Variants in ADAMTS19 observed in about 807,000 individuals in gnomAD.
ADAMTS19 encodes A disintegrin and metalloproteinase with thrombospondin motifs 19.
Under a neutral mutation model 153.3 loss-of-function variants are expected in ADAMTS19, and 93 were observed. The observed-to-expected ratio is 0.61, with a 90% CI of 0.51 to 0.72. The LOEUF (loss-of-function observed/expected upper bound fraction) is 0.72. Among genes scored for constraint, ADAMTS19 ranks in the 30% least tolerant of loss-of-function variants. The pLI is 0.00. For synonymous variants in ADAMTS19, 600 were observed against 556.6 expected (o/e 1.08, Z -1.10); for missense variants, 1,482 against 1,552.1 (o/e 0.95, Z 0.76).
chr5:129,518,870 TG>T (rs1227812760), intron 3 of ADAMTS19, among the ~76,000 whole-genome samples: 3 of 152,166 alleles, frequency 2.0e-5, no homozygotes, highest in Non-Finnish European at 4.4e-5. Flanking sequence ...TTTGCTTCAT[TG>T]TTTTTTATTC....
intron 10 of ADAMTS19, among the ~76,000 whole-genome samples, chr5:129,623,120 C>A (rs759734969): frequency 5.9e-5 from 9 of 151,860 alleles, no homozygotes; most frequent in Non-Finnish European, 1.2e-4. Flanking sequence ...TTTATAGGAA[C>A]AAAAATTAAG....
At chr5:129,507,635 C>G (rs1363575816) in intron 2 of ADAMTS19, among the ~76,000 whole-genome samples, 1 of 150,464 alleles carries the variant, frequency 6.6e-6, no homozygotes, top group Non-Finnish European at 1.5e-5. Flanking sequence ...TATCCCTACC[C>G]CTGAATATAT....
chr5:129,585,990 C>T (rs1749772811), intron 7 of ADAMTS19, among the ~76,000 whole-genome samples: 1 of 151,960 alleles, frequency 6.6e-6, no homozygotes, highest in African/African-American at 2.4e-5. Flanking sequence ...CTTGTTGCTT[C>T]CCAAGCCTTT....
intron 6 of ADAMTS19, among the ~76,000 whole-genome samples, chr5:129,547,665 A>G (rs903575203): frequency 1.3e-5 from 2 of 150,666 alleles, no homozygotes; most frequent in Non-Finnish European, 2.9e-5. Flanking sequence ...ACAGAATTGG[A>G]AAAAACTACT....
chr5:129,691,380 G>A (rs1755328998), intron 18 of ADAMTS19, among the ~76,000 whole-genome samples: 1 of 152,176 alleles, frequency 6.6e-6, no homozygotes, highest in East Asian at 1.9e-4. Flanking sequence ...GCCTACAGCT[G>A]TCATAATTCA....
chr5:129,720,024 G>T (rs961263706), intron 21 of ADAMTS19, among the ~76,000 whole-genome samples: 3 of 151,708 alleles, frequency 2.0e-5, no homozygotes, highest in African/African-American at 7.3e-5. Context: ...GGCAACAGAC[G>T]GAGACTTCAT....
intron 11 of ADAMTS19, 71 bp downstream of exon 11, chr5:129,642,031 C>T (rs1752813565): frequency 2.3e-6 from 2 of 880,238 alleles, no homozygotes; most frequent in Admixed American, 2.2e-5. Context: ...ATTTTCTCTG[C>T]CAGTTACATT....
At chr5:129,599,323 TAATA>T (rs1195605021) in intron 8 of ADAMTS19, among the ~76,000 whole-genome samples, 1 of 152,044 alleles carries the variant, frequency 6.6e-6, no homozygotes, top group Admixed American at 6.6e-5. Context: ...AAAAAATTAT[TAATA>T]ATTAATTTTA....
intron 8 of ADAMTS19, among the ~76,000 whole-genome samples, chr5:129,598,033 AT>A: frequency 6.6e-6 from 1 of 152,328 alleles, no homozygotes; most frequent in East Asian, 1.9e-4. Context: ...TTGGACTCAG[AT>A]TTAGTGAGGC....
intron 6 of ADAMTS19, among the ~76,000 whole-genome samples, chr5:129,540,285 A>T (rs1752612283): frequency 6.6e-6 from 1 of 152,094 alleles, no homozygotes; most frequent in Non-Finnish European, 1.5e-5. Context: ...TACAAATCCA[A>T]ACCTATCTGA....
chr5:129,732,667 C>T (rs1005622960), intron 21 of ADAMTS19, among the ~76,000 whole-genome samples: 4 of 151,962 alleles, frequency 2.6e-5, no homozygotes, highest in African/African-American at 9.7e-5. Context: ...AAATAAGTGA[C>T]ACAAACAAAA....
intron 2 of ADAMTS19, among the ~76,000 whole-genome samples, chr5:129,467,277 C>A (rs532955479): frequency 3.3e-5 from 5 of 152,114 alleles, no homozygotes; most frequent in African/African-American, 1.2e-4. Context: ...ATTAAGTCAG[C>A]GATTCTAGTT....
chr5:129,663,691 C>T (rs939962369), intron 15 of ADAMTS19, among the ~76,000 whole-genome samples: 1 of 152,346 alleles, frequency 6.6e-6, no homozygotes, highest in African/African-American at 2.4e-5. Context: ...TTACCCACAA[C>T]TATATCCCTG....
At chr5:129,658,542 G>C (rs936391106) in intron 14 of ADAMTS19, 75 bp from the exon 15 acceptor site, 2 of 1,487,002 alleles carry the variant, frequency 1.3e-6, no homozygotes, top group Non-Finnish European at 1.8e-6. Flanking sequence ...ATAGAGACTA[G>C]GTTTGTCCCA....
At chr5:129,506,728 C>G (rs1409324051) in intron 2 of ADAMTS19, among the ~76,000 whole-genome samples, 1 of 151,854 alleles carries the variant, frequency 6.6e-6, no homozygotes, top group East Asian at 1.9e-4. Flanking sequence ...AGCCTGTACT[C>G]AAATGTTTGG....
In ADAMTS19 at chr5:129,509,824, T is replaced by A. The variant is rs185989712; in HGVS notation, c.913+582T>A. On this transcript the variant is annotated intron_variant, in intron 3 of 22. Coordinates refer to ENST00000274487, the MANE Select transcript of ADAMTS19 (RefSeq NM_133638.6). The stretch of plus-strand genomic sequence containing the variant: ...TTCCCAACCATCAAATCCTTGGCTC[T>A]TTTTGTCTGCCAGTTCTTTACAGGA... Among the ~76,000 whole-genome samples, 204 of 152,088 alleles carry A rather than the reference T, an allele frequency of 1.3e-3. 4 individuals carry two copies. In the Middle Eastern group the frequency reaches 0.014, roughly 10 times the overall value.
chr5:129,720,376 G>A (rs1311512390), intron 21 of ADAMTS19, among the ~76,000 whole-genome samples: 1 of 151,450 alleles, frequency 6.6e-6, no homozygotes, highest in Non-Finnish European at 1.5e-5. Context: ...TCACCACGTT[G>A]GCCAGTCTGG....
intron 15 of ADAMTS19, among the ~76,000 whole-genome samples, chr5:129,659,364 A>G (rs990333966): frequency 1.3e-5 from 2 of 152,324 alleles, no homozygotes; most frequent in Admixed American, 1.3e-4. Flanking sequence ...AAAGTAATTC[A>G]CAACAAAATA....
At chr5:129,654,217 CT>C in intron 13 of ADAMTS19, 88 bp from the exon 14 acceptor site, 6 of 1,234,696 alleles carry the variant, frequency 4.9e-6, no homozygotes, top group Non-Finnish European at 5.5e-6. Context: ...ATATTTTTTA[CT>C]CAATAACGAT....
Sources: gnomAD v4.1 joint callset for allele counts (sites outside exome capture counted in the v4.1 genomes callset) on GRCh38, gnomAD v4.1.1 for gene constraint, MANE v1.5 for transcripts, NCBI Gene and HGNC (gene_info 2026-07-23, HGNC 2026-07-21) for gene names.